The following CR1 variants were observed in gnomAD, a reference collection of about 807,000 sequenced individuals.
CR1 encodes complement receptor type 1.
CR1 carries 116 observed loss-of-function variants against 187.3 expected under a neutral mutation model. That is an observed-to-expected ratio of 0.62 (90% CI 0.53 to 0.72). The LOEUF (loss-of-function observed/expected upper bound fraction) is 0.72. CR1 is among the 30% of genes least tolerant of loss of function. The pLI is 0.00. For missense variants in CR1, 1,731 were observed against 2,110.7 expected, an observed-to-expected ratio of 0.82 and a Z score of 3.52; for synonymous variants, 576 against 747.1, an observed-to-expected ratio of 0.77 and a Z score of 3.73.
chr1:207,577,667 G>T (rs1258546496), intron 28 of CR1, 138 bp from the exon 29 acceptor site: 1 of 1,350,448 alleles, frequency 7.4e-7, no homozygotes, highest in Non-Finnish European at 1.0e-6. Context: ...CTACTCGGGA[G>T]GTTGAGGTGG....
chr1:207,603,916 T>G (rs12090829), intron 35 of CR1, among the ~76,000 whole-genome samples: 240 of 152,298 alleles, frequency 1.6e-3, no homozygotes, highest in African/African-American at 5.1e-3. Flanking sequence ...GATCTTCACA[T>G]GTACACAAGA....
In CR1 at chr1:207,496,280, T is replaced by G. The variant is rs1270698778; in HGVS notation, c.13T>G (p.Ser5Ala). The change falls in exon 1 of 47, where the codon TCT becomes GCT. Residue 5 changes from serine to alanine, a missense_variant. Around this residue, in one of 5 missense-constraint regions of CR1, gnomAD observed 237 missense variants for 240.4 expected, o/e 0.99. Transcript: ENST00000367049. ...GTGCTTGGGGAGAATGGGGGCCTCTTCTCCAAGAAGCCCGGAGCCTGTCGG... is the reference window on the plus strand; with the variant it reads ...GTGCTTGGGGAGAATGGGGGCCTCTGCTCCAAGAAGCCCGGAGCCTGTCGG... MGASSPRSPEPVGPP... is the reference protein window; with the variant it reads MGASAPRSPEPVGPP... The G allele has an allele frequency of 3.1e-6, 5 of 1,613,700 alleles. No homozygotes were observed. In the African/African-American group the frequency reaches 6.7e-5, roughly 22 times the overall value.
intron 4 of CR1, among the ~76,000 whole-genome samples, chr1:207,514,784 T>TTATAAAGCC: frequency 6.6e-6 from 1 of 152,100 alleles, no homozygotes; most frequent in Non-Finnish European, 1.5e-5. Context: ...ATATCAAAGC[T>TTATAAAGCC]ATGACAGTCT....
In CR1 at chr1:207,587,547, G is replaced by A; in HGVS notation, c.5692G>A (p.Val1898Ile). Residue 1898 changes from valine (V) to isoleucine (I), a missense_variant, in exon 34 of 47, where the codon GTT (valine) becomes ATT (isoleucine). Val to Ile is a conservative substitution (Grantham distance 29, BLOSUM62 3). Around this residue, in one of 5 missense-constraint regions of CR1, gnomAD observed 1,312 missense variants for 1,379.6 expected, o/e 0.95. Coordinates refer to ENST00000367049, the MANE Select transcript of CR1 (RefSeq NM_000651.6). Reference sequence around the variant, plus strand: ...CCTAGAAAACTTGGTCTGGTCAAGTGTTGAAGACAACTGTAGACGTGAGTA... The same window carrying A: ...CCTAGAAAACTTGGTCTGGTCAAGTATTGAAGACAACTGTAGACGTGAGTA... ...SCLENLVWSSVEDNCRRKSCG... is the reference protein window; with the variant it reads ...SCLENLVWSSIEDNCRRKSCG... 1 of 1,613,824 alleles carries A rather than the reference G, an allele frequency of 6.2e-7. No individual in the cohort carries two copies.
At chr1:207,636,228 G>A (rs557446445) in intron 46 of CR1, among the ~76,000 whole-genome samples, 1 of 152,086 alleles carries the variant, frequency 6.6e-6, no homozygotes, top group East Asian at 1.9e-4. Context: ...TACTTCCGAT[G>A]GTCTTAACCC....
intron 35 of CR1, among the ~76,000 whole-genome samples, chr1:207,593,205 C>T (rs1429248741): frequency 6.6e-6 from 1 of 151,606 alleles, no homozygotes; most frequent in Non-Finnish European, 1.5e-5. Context: ...TGACTTCAAA[C>T]TATACTATAA....
intron 4 of CR1, among the ~76,000 whole-genome samples, chr1:207,522,611 T>C (rs1227999049): frequency 1.3e-5 from 2 of 152,204 alleles, no homozygotes; most frequent in Non-Finnish European, 2.9e-5. Flanking sequence ...GCTTCACTAG[T>C]TTGTTAGCTT....
intron 35 of CR1, among the ~76,000 whole-genome samples, chr1:207,592,209 A>G (rs777597283): frequency 6.6e-6 from 1 of 152,240 alleles, no homozygotes; most frequent in Non-Finnish European, 1.5e-5. Flanking sequence ...AATACTGGCA[A>G]ACAAAATTCA....
At chr1:207,592,934 A>G (rs1661316390) in intron 35 of CR1, among the ~76,000 whole-genome samples, 1 of 152,198 alleles carries the variant, frequency 6.6e-6, no homozygotes, top group African/African-American at 2.4e-5. Flanking sequence ...CTGCTCAAGG[A>G]AGTAAGCGAG....
chr1:207,525,692 C>T (rs1315550920), intron 5 of CR1, among the ~76,000 whole-genome samples: 3 of 152,008 alleles, frequency 2.0e-5, no homozygotes, highest in Non-Finnish European at 4.4e-5. Context: ...TTTAAGGCTT[C>T]CTTTGCTAGC....
rs1445375279 is a variant in CR1 at position 207,573,304 on chromosome 1, G to A, written c.4452-2291G>A. Among the ~76,000 whole-genome samples, 12 of 152,190 alleles carry A rather than the reference G, an allele frequency of 7.9e-5. 1 individual carries two copies. Among genetic ancestry groups the A allele is most frequent in the African/African-American group, 2.9e-4 (12 of 41,420 alleles). On this transcript the variant is annotated intron_variant, in intron 27 of 46. Coordinates refer to ENST00000367049, the MANE Select transcript of CR1 (RefSeq NM_000651.6). Reference sequence around the variant, plus strand: ...ACTGAAAGGAAGTTTGTGGTGTCCAGCACACTTGCCAGCATAGGCCTCACA... The same window carrying A: ...ACTGAAAGGAAGTTTGTGGTGTCCAACACACTTGCCAGCATAGGCCTCACA...
At chr1:207,611,014 T>C (rs1356277917) in intron 37 of CR1, among the ~76,000 whole-genome samples, 5 of 152,174 alleles carry the variant, frequency 3.3e-5, no homozygotes. Context: ...TGCTATCAAA[T>C]ACTACATCTT....
chr1:207,504,087 G>A (rs1273086755), intron 1 of CR1, among the ~76,000 whole-genome samples: 2 of 152,208 alleles, frequency 1.3e-5, no homozygotes, highest in Non-Finnish European at 2.9e-5. Context: ...GAGGGGAAAG[G>A]CATTAAATTT....
At chr1:207,596,003 A>T (rs1661426835) in intron 35 of CR1, among the ~76,000 whole-genome samples, 1 of 149,528 alleles carries the variant, frequency 6.7e-6, no homozygotes, top group Admixed American at 6.7e-5. Flanking sequence ...GACATAAAAA[A>T]TAAGGAGAAA....
At chr1:207,515,510 G>T (rs1449531879) in intron 4 of CR1, among the ~76,000 whole-genome samples, 1 of 151,622 alleles carries the variant, frequency 6.6e-6, no homozygotes, top group Non-Finnish European at 1.5e-5. Flanking sequence ...AACACTAATA[G>T]TTTTGTTGCT....
chr1:207,622,067 A>G, intron 44 of CR1, 71 bp downstream of exon 44: 1 of 1,254,380 alleles, frequency 8.0e-7, no homozygotes, highest in Non-Finnish European at 1.1e-6. Context: ...ATAATGAATG[A>G]AATGTAAAAA....
chr1:207,514,416 G>C (rs1383796257), intron 4 of CR1, among the ~76,000 whole-genome samples: 1 of 152,080 alleles, frequency 6.6e-6, no homozygotes, highest in African/African-American at 2.4e-5. Flanking sequence ...GATGACATTA[G>C]GAAGTGAGGC....
chr1:207,624,388 G>A (rs1202597949), intron 45 of CR1, among the ~76,000 whole-genome samples: 3 of 152,140 alleles, frequency 2.0e-5, no homozygotes, highest in African/African-American at 2.4e-5. Flanking sequence ...ATGTTATATG[G>A]TTGATGAGCA....
Position 207,526,881 on chromosome 1 carries a change from C to G in CR1, c.1015C>G (p.Arg339Gly), listed in dbSNP as rs377225165. 6.7e-7 allele frequency: 1 copy of G among 1,493,806 alleles called. No individual in the cohort carries two copies. The highest frequency in any genetic ancestry group is 8.9e-7 in the Non-Finnish European group (1 of 1,129,416). The allele number at this position is 1,493,806 out of a possible 1,614,324, so 92.5% of individuals were successfully genotyped here. Residue 339 changes from arginine to glycine, a missense_variant, in exon 6 of 47, where the codon CGC becomes GGC. Arg to Gly is a moderately radical substitution (Grantham distance 125). This residue lies in a region of CR1 where 131 missense variants were observed against 196.8 expected (regional missense o/e 0.67). Transcript: ENST00000367049. The stretch of plus-strand genomic sequence containing the variant: ...CGACCTCAGAGGGGCTGCGTCTATG[C>G]GCTGCACACCCCAGGGAGACTGGAG... ...GYDLRGAASMRCTPQGDWSPA... is the reference protein window; with the variant it reads ...GYDLRGAASMGCTPQGDWSPA...
Sources: gnomAD v4.1 joint callset for allele counts (sites outside exome capture counted in the v4.1 genomes callset) on GRCh38, gnomAD v4.1.1 for gene constraint, gnomAD v4.1.1 regional missense constraint, MANE v1.5 for transcripts, NCBI Gene and HGNC (gene_info 2026-07-23, HGNC 2026-07-21) for gene names.